Variants in CNTN5 observed in about 807,000 individuals in gnomAD.
CNTN5 encodes contactin-5.
CNTN5 carries 77 observed loss-of-function variants against 129.1 expected under a neutral mutation model. The ratio of observed to expected loss-of-function variants is 0.60; its 90% CI spans 0.50 to 0.72. The LOEUF is 0.72. Ranked by LOEUF, CNTN5 falls within the 30% of genes least tolerant of loss-of-function variation. CNTN5 has a pLI of 0.00. For missense variants in CNTN5, 1,478 were observed against 1,328.8 expected, an observed-to-expected ratio of 1.11 and a Z score of -1.75; for synonymous variants, 509 against 465.6, an observed-to-expected ratio of 1.09 and a Z score of -1.20.
intron 2 of CNTN5, among the ~76,000 whole-genome samples, chr11:99,508,482 C>CCT (rs1946708658): frequency 6.6e-6 from 1 of 152,104 alleles, no homozygotes; most frequent in Non-Finnish European, 1.5e-5. Flanking sequence ...ATACTGAGTG[C>CCT]TGGCTGTACT....
At chr11:99,285,319 C>T (rs1257442803) in intron 1 of CNTN5, among the ~76,000 whole-genome samples, 1 of 152,046 alleles carries the variant, frequency 6.6e-6, no homozygotes, top group African/African-American at 2.4e-5. Flanking sequence ...CATTTAGAAG[C>T]AATTTTATTG....
intron 2 of CNTN5, among the ~76,000 whole-genome samples, chr11:99,456,923 G>A (rs934057474): frequency 6.6e-6 from 1 of 151,964 alleles, no homozygotes; most frequent in Non-Finnish European, 1.5e-5. Flanking sequence ...GACTCATTTT[G>A]TGTATTGAAC....
At chr11:99,430,376 C>T (rs887688315) in intron 2 of CNTN5, among the ~76,000 whole-genome samples, 11 of 146,352 alleles carry the variant, frequency 7.5e-5, no homozygotes, top group East Asian at 4.0e-4. Flanking sequence ...TATGTGTGCA[C>T]GCATGTGTGT....
At position 99,555,751 on chromosome 11, in the gene CNTN5, C is replaced by G. The variant is rs185762990; in HGVS notation, c.-70-394C>G. ...TGGCCAACCGATCATTAGTTATGCT[C>G]TAGACCAAAGGAGTATATATTAATG... is the stretch of plus-strand genomic sequence containing the variant. On this transcript the variant is annotated intron_variant, in intron 2 of 24. Transcript: ENST00000524871. Among the ~76,000 whole-genome samples the G allele has an allele frequency of 2.6e-3, 394 of 151,962 alleles. 2 individuals carry two copies. Among genetic ancestry groups the G allele is most frequent in the Middle Eastern group, 6.8e-3 (2 of 294 alleles).
At chr11:99,381,404 G>T (rs1940552083) in intron 2 of CNTN5, among the ~76,000 whole-genome samples, 1 of 152,170 alleles carries the variant, frequency 6.6e-6, no homozygotes, top group Non-Finnish European at 1.5e-5. Flanking sequence ...GGAGTTAAAA[G>T]ATAGCATGGC....
intron 4 of CNTN5, among the ~76,000 whole-genome samples, chr11:99,821,996 A>G (rs993747108): frequency 1.4e-4 from 22 of 152,162 alleles, no homozygotes; most frequent in African/African-American, 5.1e-4. Context: ...AATCTTAGCT[A>G]GATGTGACTT....
At chr11:99,755,576 A>C (rs2135247467) in intron 3 of CNTN5, among the ~76,000 whole-genome samples, 2 of 151,778 alleles carry the variant, frequency 1.3e-5, no homozygotes, top group Middle Eastern at 6.8e-3. Context: ...GATTTTTTTT[A>C]TTAACATTTA....
At chr11:99,823,540 G>A (rs1946864023) in intron 4 of CNTN5, among the ~76,000 whole-genome samples, 1 of 151,972 alleles carries the variant, frequency 6.6e-6, no homozygotes, top group Non-Finnish European at 1.5e-5. Context: ...GCTGCAATTA[G>A]AAGAGATATA....
At chr11:99,580,663 G>A (rs1221230010) in intron 3 of CNTN5, among the ~76,000 whole-genome samples, 2 of 151,974 alleles carry the variant, frequency 1.3e-5, no homozygotes, top group South Asian at 4.2e-4. Context: ...AGTTCTGTGG[G>A]GTCGGTGGTG....
At chr11:99,636,657 A>T (rs1233709623) in intron 3 of CNTN5, among the ~76,000 whole-genome samples, 3 of 152,120 alleles carry the variant, frequency 2.0e-5, no homozygotes, top group Non-Finnish European at 4.4e-5. Flanking sequence ...CTAAAGGCCA[A>T]AACTTGATCA....
intron 1 of CNTN5, among the ~76,000 whole-genome samples, chr11:99,127,225 T>C (rs1858683028): frequency 6.6e-6 from 1 of 152,204 alleles, no homozygotes; most frequent in Non-Finnish European, 1.5e-5. Flanking sequence ...CTTACATCCT[T>C]ACCATTGAAA....
chr11:99,055,963 C>G (rs1864608765), intron 1 of CNTN5, among the ~76,000 whole-genome samples: 1 of 151,844 alleles, frequency 6.6e-6, no homozygotes, highest in South Asian at 2.1e-4. Flanking sequence ...GCTTTTTACC[C>G]TCAGGTTTTC....
At chr11:100,113,065 T>A (rs1180438061) in intron 13 of CNTN5, among the ~76,000 whole-genome samples, 4 of 151,858 alleles carry the variant, frequency 2.6e-5, no homozygotes, top group African/African-American at 9.7e-5. Flanking sequence ...ATTTAACCTG[T>A]TTGAGTCTTT....
chr11:100,222,334 A>G (rs1386973085), intron 15 of CNTN5, among the ~76,000 whole-genome samples: 1 of 152,172 alleles, frequency 6.6e-6, no homozygotes, highest in Non-Finnish European at 1.5e-5. Context: ...ACAACATAGA[A>G]AAGATAATCT....
chr11:99,719,541 G>A (rs1943096535), intron 3 of CNTN5, among the ~76,000 whole-genome samples: 1 of 151,878 alleles, frequency 6.6e-6, no homozygotes, highest in South Asian at 2.1e-4. Flanking sequence ...TTCAACTAAG[G>A]TAGGATTAAG....
At chr11:100,161,874 A>ACACACACAC (rs1565302482) in intron 13 of CNTN5, among the ~76,000 whole-genome samples, 2 of 61,150 alleles carry the variant, frequency 3.3e-5, no homozygotes, top group Non-Finnish European at 7.3e-5. Context: ...CACACACACA[A>ACACACACAC]AACAAAAAAC....
intron 1 of CNTN5, among the ~76,000 whole-genome samples, chr11:99,224,372 T>C (rs1027696027): frequency 2.6e-5 from 4 of 152,174 alleles, no homozygotes; most frequent in Non-Finnish European, 2.9e-5. Context: ...TATTATATGG[T>C]AGCACAAGTA....
intron 13 of CNTN5, among the ~76,000 whole-genome samples, chr11:100,154,486 T>C (rs144059234): frequency 0.011 from 1,599 of 152,248 alleles, 30 homozygotes; most frequent in African/African-American, 0.037. Context: ...TAAACATACA[T>C]GTGCAGATGT....
intron 8 of CNTN5, among the ~76,000 whole-genome samples, chr11:99,979,322 C>T (rs1938190121): frequency 6.6e-6 from 1 of 151,912 alleles, no homozygotes; most frequent in Non-Finnish European, 1.5e-5. Flanking sequence ...TCCACAGGGC[C>T]CTTAGAAGCA....
Sources: allele counts gnomAD v4.1 joint callset (sites outside exome capture counted in the v4.1 genomes callset), GRCh38; gene constraint gnomAD v4.1.1; transcripts MANE v1.5; gene names NCBI Gene and HGNC (gene_info 2026-07-23, HGNC 2026-07-21).